Variants in CDH20 observed in about 807,000 individuals in gnomAD.
CDH20 encodes the protein cadherin-20.
CDH20 carries 29 observed loss-of-function variants against 74.2 expected under a neutral mutation model. The observed-to-expected ratio is 0.39, with a 90% confidence interval of 0.29 to 0.53. The LOEUF is 0.53. CDH20 is among the 20% of genes least tolerant of loss of function. The pLI is 0.69. For missense variants in CDH20, 988 were observed against 1,048.3 expected (o/e 0.94, Z 0.79); for synonymous variants, 469 against 405.4 (o/e 1.16, Z -1.88).
chr18:61,425,668 A>C (rs990507451), intron 1 of CDH20, among the ~76,000 whole-genome samples: 6 of 152,344 alleles, frequency 3.9e-5, no homozygotes, highest in Admixed American at 3.9e-4. Context: ...GATGAAAAGC[A>C]TAAGAATTAT....
intron 1 of CDH20, among the ~76,000 whole-genome samples, chr18:61,366,485 G>C (rs1225298776): frequency 6.6e-6 from 1 of 152,026 alleles, no homozygotes; most frequent in Non-Finnish European, 1.5e-5. Flanking sequence ...ATACACTAAA[G>C]AACTGGACAT....
At chr18:61,364,613 T>C (rs1211741726) in intron 1 of CDH20, among the ~76,000 whole-genome samples, 1 of 152,046 alleles carries the variant, frequency 6.6e-6, no homozygotes, top group Admixed American at 6.5e-5. Flanking sequence ...TGCCCAGCTG[T>C]GAGTTCTTAC....
chr18:61,348,534 C>T (rs1328447759), intron 1 of CDH20, among the ~76,000 whole-genome samples: 4 of 152,188 alleles, frequency 2.6e-5, no homozygotes, highest in Non-Finnish European at 5.9e-5. Context: ...AATGGTGGGG[C>T]ACATGGATAC....
intron 1 of CDH20, among the ~76,000 whole-genome samples, chr18:61,388,631 T>G (rs929563658): frequency 2.6e-5 from 4 of 152,226 alleles, no homozygotes; most frequent in African/African-American, 9.6e-5. Flanking sequence ...TTAAAGGTTC[T>G]GTAACTTAGC....
chr18:61,380,071 C>T (rs1226478967), intron 1 of CDH20, among the ~76,000 whole-genome samples: 1 of 152,196 alleles, frequency 6.6e-6, no homozygotes, highest in Admixed American at 6.5e-5. Flanking sequence ...TCTGACAAGA[C>T]TGTCGATTTA....
At chr18:61,432,395 C>A (rs545235390) in intron 1 of CDH20, among the ~76,000 whole-genome samples, 1 of 152,114 alleles carries the variant, frequency 6.6e-6, no homozygotes, top group Non-Finnish European at 1.5e-5. Flanking sequence ...CCATCCACAA[C>A]TGGTGCCCAG....
At chr18:61,416,419 A>G (rs1307670735) in intron 1 of CDH20, among the ~76,000 whole-genome samples, 2 of 152,150 alleles carry the variant, frequency 1.3e-5, no homozygotes, top group Non-Finnish European at 2.9e-5. Flanking sequence ...TAACAGATAT[A>G]TTTCTCACAG....
chr18:61,542,192 G>A (rs1201199163), intron 9 of CDH20, among the ~76,000 whole-genome samples: 2 of 152,174 alleles, frequency 1.3e-5, no homozygotes, highest in East Asian at 3.9e-4. Context: ...GCTGAAAAGT[G>A]CCGGCTCTGT....
At chr18:61,551,223 C>A (rs1913420316) in intron 11 of CDH20, among the ~76,000 whole-genome samples, 1 of 152,194 alleles carries the variant, frequency 6.6e-6, no homozygotes, top group Non-Finnish European at 1.5e-5. Context: ...AAGAAAGTAT[C>A]TGTACATATA....
intron 1 of CDH20, among the ~76,000 whole-genome samples, chr18:61,456,758 A>T (rs1208681523): frequency 2.0e-5 from 3 of 152,174 alleles, no homozygotes; most frequent in East Asian, 1.9e-4. Flanking sequence ...AACAACAAAC[A>T]TTTATTTCTC....
chr18:61,531,881 C>A (rs753318915), intron 7 of CDH20, among the ~76,000 whole-genome samples: 1 of 152,178 alleles, frequency 6.6e-6, no homozygotes, highest in Non-Finnish European at 1.5e-5. Flanking sequence ...CTTTCCACTA[C>A]GATTGTAAGT....
rs551902518 is a variant in CDH20, at chr18:61,538,631, T to TG, written c.1409-393_1409-392insG. Among the ~76,000 whole-genome samples, 1,068 of 120,670 alleles carry TG rather than the reference T, an allele frequency of 8.9e-3. 110 individuals are homozygous for TG. Among genetic ancestry groups the TG allele is most frequent in the South Asian group, 0.02 (67 of 3,378 alleles). The allele number at this position is 120,670 out of a possible 152,430, so 79.2% of individuals were successfully genotyped here. A position where few individuals can be genotyped will look rare whatever the true frequency, so the allele number is the denominator to read the frequency against. On this transcript the variant is annotated intron_variant, in intron 8 of 11. Transcript: ENST00000262717. ...TTGTTTTTGTTTTTGTTTTGTTTTTTTTTTTGAGACGGAGTCTTACTCTTT... is the reference window on the plus strand; with the variant it reads ...TTGTTTTTGTTTTTGTTTTGTTTTTTGTTTTTGAGACGGAGTCTTACTCTTT...
intron 1 of CDH20, among the ~76,000 whole-genome samples, chr18:61,339,874 TAG>T (rs373720186): frequency 4.6e-5 from 7 of 151,722 alleles, no homozygotes; most frequent in African/African-American, 1.7e-4. Flanking sequence ...GCATTTTTAG[TAG>T]AGACAGGGTT....
intron 9 of CDH20, among the ~76,000 whole-genome samples, chr18:61,542,175 C>T (rs778554128): frequency 1.3e-5 from 2 of 152,176 alleles, no homozygotes; most frequent in Non-Finnish European, 2.9e-5. Context: ...TTTGGCACTA[C>T]AAGCAAGCTG....
At chr18:61,512,340 G>A (rs576995560) in intron 6 of CDH20, among the ~76,000 whole-genome samples, 23 of 152,080 alleles carry the variant, frequency 1.5e-4, no homozygotes, top group South Asian at 4.2e-4. Context: ...TCCATCTTAC[G>A]ACAAGAAGAA....
chr18:61,487,487 A>G (rs1910807806), intron 1 of CDH20, among the ~76,000 whole-genome samples: 1 of 152,192 alleles, frequency 6.6e-6, no homozygotes, highest in African/African-American at 2.4e-5. Flanking sequence ...GCTTTGCACC[A>G]ACTGTTGCTA....
At chr18:61,440,092 T>C (rs1487130588) in intron 1 of CDH20, among the ~76,000 whole-genome samples, 1 of 152,182 alleles carries the variant, frequency 6.6e-6, no homozygotes, top group Non-Finnish European at 1.5e-5. Context: ...ACTAATTCCT[T>C]GTATCTTTCC....
intron 5 of CDH20, among the ~76,000 whole-genome samples, chr18:61,505,400 C>T (rs1911529019): frequency 6.9e-6 from 1 of 145,254 alleles, no homozygotes; most frequent in African/African-American, 2.6e-5. Context: ...TGCAGTGGTG[C>T]AATCACAGCT....
intron 1 of CDH20, among the ~76,000 whole-genome samples, chr18:61,385,299 A>C (rs1170203245): frequency 6.6e-6 from 1 of 152,220 alleles, no homozygotes; most frequent in Non-Finnish European, 1.5e-5. Context: ...GCAATAAGAC[A>C]GAACAAAAAA....
Sources: allele counts gnomAD v4.1 joint callset (sites outside exome capture counted in the v4.1 genomes callset), GRCh38; gene constraint gnomAD v4.1.1; transcripts MANE v1.5; gene names NCBI Gene and HGNC (gene_info 2026-07-23, HGNC 2026-07-21).